SLC25A21: variants seen among roughly 807,000 people sequenced by gnomAD.
SLC25A21 encodes the protein mitochondrial 2-oxodicarboxylate carrier.
SLC25A21 carries 47 observed loss-of-function variants against 43.8 expected under a neutral mutation model. The ratio of observed to expected loss-of-function variants is 1.07; its 90% CI spans 0.85 to 1.37. The LOEUF (loss-of-function observed/expected upper bound fraction) is 1.37. Among genes scored for constraint, SLC25A21 ranks in the 40% most tolerant of loss-of-function variants. The probability of loss-of-function intolerance (pLI) is 0.00; values close to 1 mark genes in which losing one functional copy is unlikely to be tolerated. For synonymous variants in SLC25A21, 131 were observed against 121.3 expected (o/e 1.08, Z -0.52); for missense variants, 352 against 350.2 (o/e 1.00, Z -0.04).
chr14:36,800,091 C>A (rs915568362), intron 3 of SLC25A21, among the ~76,000 whole-genome samples: 3 of 152,032 alleles, frequency 2.0e-5, no homozygotes, highest in African/African-American at 7.2e-5. Context: ...TTTGTTTTTG[C>A]AGATCTCAAG....
chr14:37,126,611 T>C (rs1594806087), intron 1 of SLC25A21, among the ~76,000 whole-genome samples: 5 of 152,232 alleles, frequency 3.3e-5, no homozygotes, highest in South Asian at 4.1e-4. Context: ...ATACATGCAA[T>C]GTACCATAAA....
intron 3 of SLC25A21, among the ~76,000 whole-genome samples, chr14:36,742,079 C>A (rs932171124): frequency 6.6e-6 from 1 of 152,124 alleles, no homozygotes; most frequent in African/African-American, 2.4e-5. Context: ...TGTATGGAAG[C>A]CTTGAGTCAT....
chr14:36,859,558 A>G (rs183379593), intron 2 of SLC25A21, among the ~76,000 whole-genome samples: 290 of 152,276 alleles, frequency 1.9e-3, no homozygotes, highest in African/African-American at 6.4e-3. Flanking sequence ...CTGAGCTGAC[A>G]ATGAACAGGA....
chr14:36,825,158 A>T (rs1308300278), intron 2 of SLC25A21, among the ~76,000 whole-genome samples: 2 of 152,192 alleles, frequency 1.3e-5, no homozygotes, highest in African/African-American at 2.4e-5. Flanking sequence ...CATGGGGCTT[A>T]CTTATTTCCA....
chr14:36,797,413 A>G, intron 3 of SLC25A21, among the ~76,000 whole-genome samples: 1 of 152,216 alleles, frequency 6.6e-6, no homozygotes, highest in Middle Eastern at 3.2e-3. Context: ...AGAGTTTAAA[A>G]TAAGTTCTGC....
intron 1 of SLC25A21, among the ~76,000 whole-genome samples, chr14:36,935,473 G>T (rs1248942757): frequency 6.6e-6 from 1 of 152,098 alleles, no homozygotes; most frequent in East Asian, 1.9e-4. Flanking sequence ...TAGCAATGGG[G>T]ACTCAATTAA....
chr14:37,105,096 A>G (rs1962886368), intron 1 of SLC25A21, among the ~76,000 whole-genome samples: 1 of 152,212 alleles, frequency 6.6e-6, no homozygotes, highest in Admixed American at 6.5e-5. Context: ...GGTCTAGATC[A>G]TAATATTAGA....
At chr14:37,157,794 A>G (rs755313652) in intron 1 of SLC25A21, among the ~76,000 whole-genome samples, 3 of 152,194 alleles carry the variant, frequency 2.0e-5, no homozygotes, top group Non-Finnish European at 4.4e-5. Context: ...AGGATAAACA[A>G]AACAAAAAGT....
intron 1 of SLC25A21, among the ~76,000 whole-genome samples, chr14:36,943,081 C>G (rs1892603906): frequency 6.6e-6 from 1 of 152,190 alleles, no homozygotes; most frequent in African/African-American, 2.4e-5. Context: ...GAGAGTCACA[C>G]ATCAGTCAAG....
intron 3 of SLC25A21, among the ~76,000 whole-genome samples, chr14:36,779,357 TTATA>T (rs1304457356): frequency 6.9e-6 from 1 of 144,792 alleles, no homozygotes; most frequent in African/African-American, 2.5e-5. Context: ...AAAGAAGGAA[TTATA>T]TATCTCTCTC....
intron 1 of SLC25A21, among the ~76,000 whole-genome samples, chr14:37,150,800 A>C (rs1217278157): frequency 2.0e-5 from 3 of 152,194 alleles, no homozygotes; most frequent in Admixed American, 1.3e-4. Flanking sequence ...AATGCTGCTC[A>C]TTCTCAGATC....
chr14:37,112,391 T>A (rs1441931215), intron 1 of SLC25A21, among the ~76,000 whole-genome samples: 1 of 152,004 alleles, frequency 6.6e-6, no homozygotes, highest in East Asian at 1.9e-4. Flanking sequence ...GAGGGAGAAA[T>A]AAGAGAAAAT....
At chr14:36,799,893 A>C (rs1419166481) in intron 3 of SLC25A21, among the ~76,000 whole-genome samples, 1 of 152,190 alleles carries the variant, frequency 6.6e-6, no homozygotes, top group Non-Finnish European at 1.5e-5. Context: ...TTATTTCTCA[A>C]ACCAAAAATA....
intron 1 of SLC25A21, among the ~76,000 whole-genome samples, chr14:36,987,497 G>T (rs1011220734): frequency 1.3e-5 from 2 of 152,106 alleles, no homozygotes; most frequent in African/African-American, 4.8e-5. Context: ...ATTTTGGGGT[G>T]TCTAACACTT....
chr14:37,027,028 C>G (rs577977682), intron 1 of SLC25A21, among the ~76,000 whole-genome samples: 1 of 152,224 alleles, frequency 6.6e-6, no homozygotes, highest in African/African-American at 2.4e-5. Context: ...GTTTAAGCTA[C>G]CATCTCCATG....
chr14:36,702,475 C>CCAAAAAA (rs1883317663), intron 7 of SLC25A21, among the ~76,000 whole-genome samples: 1 of 66,164 alleles, frequency 1.5e-5, no homozygotes. Flanking sequence ...CCTGTCTCCA[C>CCAAAAAA]AAAAAAAAAA....
chr14:37,032,275 C>T (rs1247326494), intron 1 of SLC25A21, among the ~76,000 whole-genome samples: 1 of 152,146 alleles, frequency 6.6e-6, no homozygotes. Flanking sequence ...GTGGCTCACG[C>T]TTGTAATCCT....
At chr14:36,861,226 GATATT>G (rs1178716005) in intron 2 of SLC25A21, among the ~76,000 whole-genome samples, 3 of 152,140 alleles carry the variant, frequency 2.0e-5, no homozygotes, top group Non-Finnish European at 4.4e-5. Context: ...TCACAGTTAT[GATATT>G]ATATTATCAG....
chr14:36,722,206 A>G (rs567645838), intron 6 of SLC25A21, among the ~76,000 whole-genome samples: 1 of 152,374 alleles, frequency 6.6e-6, no homozygotes, highest in South Asian at 2.1e-4. Context: ...TATAATTTTT[A>G]TATCAATTAC....
Sources: gnomAD v4.1 joint callset for allele counts (sites outside exome capture counted in the v4.1 genomes callset) on GRCh38, gnomAD v4.1.1 for gene constraint, MANE v1.5 for transcripts, NCBI Gene and HGNC (gene_info 2026-07-23, HGNC 2026-07-21) for gene names.